The following ZNF138 variants were observed in gnomAD, a reference collection of about 807,000 sequenced individuals.
ZNF138 encodes the protein zinc finger protein 138 (clone pHZ-32).
ZNF138 carries 33 observed loss-of-function variants against 33.0 expected under a neutral mutation model. That is an observed-to-expected ratio of 1.00 (90% CI 0.76 to 1.34). The LOEUF (loss-of-function observed/expected upper bound fraction) is 1.34. Ranked by LOEUF, ZNF138 falls within the 40% of genes most tolerant of loss-of-function variation. The pLI, the probability that ZNF138 is intolerant of heterozygous loss-of-function variation, is 0.00. For synonymous variants in ZNF138, 139 were observed against 120.4 expected (o/e 1.15, Z -1.01); for missense variants, 360 against 370.8 (o/e 0.97, Z 0.24).
At chr7:64,836,925 G>T (rs1790382819), downstream of ZNF138, 1 of 152,202 alleles carries the variant, frequency 6.6e-6, no homozygotes, top group South Asian at 2.1e-4. Flanking sequence ...CCAGTGAGAG[G>T]GAGTCTGAGA....
At chr7:64,808,683 C>T (rs1787815846) in intron 1 of ZNF138, among the ~76,000 whole-genome samples, 1 of 148,732 alleles carries the variant, frequency 6.7e-6, no homozygotes, top group South Asian at 2.2e-4. Flanking sequence ...GAGGGAAGGT[C>T]AGCAGATAAA....
At chr7:64,820,560 A>G (rs1485482922) in intron 3 of ZNF138, among the ~76,000 whole-genome samples, 1 of 151,528 alleles carries the variant, frequency 6.6e-6, no homozygotes, top group East Asian at 1.9e-4. Context: ...GGATTGCTGT[A>G]GTTGATGATA....
chr7:64,831,390 G>C, intron 3 of ZNF138, 61 bp from the exon 4 acceptor site: 3 of 1,389,878 alleles, frequency 2.2e-6, no homozygotes, highest in South Asian at 3.0e-5. Context: ...GGTTAGATTT[G>C]TAAAGTATAT....
the ZNF138 span, among the ~76,000 whole-genome samples, chr7:64,850,912 G>A: frequency 2.9e-3 from 438 of 152,216 alleles, no homozygotes; most frequent in African/African-American, 0.01. Context: ...TAGTCAGTCT[G>A]GGGGTATAAT....
At chr7:64,801,117 A>G (rs895340258) in intron 1 of ZNF138, among the ~76,000 whole-genome samples, 1 of 152,174 alleles carries the variant, frequency 6.6e-6, no homozygotes, top group South Asian at 2.1e-4. Context: ...TAATAGATTT[A>G]ACTCCTGGAT....
At chr7:64,802,079 A>C (rs1787179271) in intron 1 of ZNF138, among the ~76,000 whole-genome samples, 1 of 152,190 alleles carries the variant, frequency 6.6e-6, no homozygotes, top group African/African-American at 2.4e-5. Flanking sequence ...TATTTTAGGG[A>C]GACATGAGAC....
the ZNF138 span, among the ~76,000 whole-genome samples, chr7:64,841,382 A>G: frequency 2.6e-5 from 4 of 152,204 alleles, no homozygotes; most frequent in Non-Finnish European, 5.9e-5. Context: ...GGGATGCTTC[A>G]TAAGTCATGA....
the ZNF138 span, among the ~76,000 whole-genome samples, chr7:64,846,640 C>A: frequency 6.6e-6 from 1 of 152,198 alleles, no homozygotes; most frequent in East Asian, 1.9e-4. Flanking sequence ...CTGAATTTAT[C>A]AGTTTTAGGA....
At chr7:64,804,348 G>A (rs900505201) in intron 1 of ZNF138, among the ~76,000 whole-genome samples, 5 of 152,102 alleles carry the variant, frequency 3.3e-5, no homozygotes, top group African/African-American at 9.7e-5. Flanking sequence ...CCCCCTGCTT[G>A]CTCAATTGAT....
chr7:64,800,811 C>T, intron 1 of ZNF138, among the ~76,000 whole-genome samples: 1 of 151,906 alleles, frequency 6.6e-6, no homozygotes, highest in Non-Finnish European at 1.5e-5. Flanking sequence ...TGTCTCTGGT[C>T]CTGGGCTTTT....
chr7:64,825,485 C>G (rs1230228974), intron 3 of ZNF138, among the ~76,000 whole-genome samples: 2 of 149,362 alleles, frequency 1.3e-5, no homozygotes, highest in East Asian at 4.0e-4. Context: ...ATGCTTTTTT[C>G]TTAAGCCACT....
the ZNF138 span, among the ~76,000 whole-genome samples, chr7:64,843,626 T>C: frequency 6.6e-6 from 1 of 152,306 alleles, no homozygotes; most frequent in Non-Finnish European, 1.5e-5. Flanking sequence ...TAGTCTTTTG[T>C]CATATAGTCA....
At chr7:64,838,112 C>T (rs558642924), downstream of ZNF138, among the ~76,000 whole-genome samples, 289 of 151,812 alleles carry the variant, frequency 1.9e-3, no homozygotes, top group Non-Finnish European at 3.3e-3. Flanking sequence ...CTACCTGAAG[C>T]ATTACCCTGG....
intron 1 of ZNF138, among the ~76,000 whole-genome samples, chr7:64,797,154 G>T (rs1418145738): frequency 1.3e-5 from 2 of 151,992 alleles, no homozygotes; most frequent in Non-Finnish European, 2.9e-5. Context: ...CCTTTTTCAG[G>T]GTACATTTCA....
the ZNF138 span, among the ~76,000 whole-genome samples, chr7:64,859,020 T>C: frequency 6.6e-6 from 1 of 152,152 alleles, no homozygotes; most frequent in African/African-American, 2.4e-5. Flanking sequence ...CTCCACCTCC[T>C]GGGTTCAAAT....
chr7:64,837,383 G>C (rs924782090), downstream of ZNF138, among the ~76,000 whole-genome samples: 1 of 152,068 alleles, frequency 6.6e-6, no homozygotes, highest in Non-Finnish European at 1.5e-5. Context: ...TGAGCGGTCC[G>C]GGCTTTGGAA....
chr7:64,852,236 G>T, the ZNF138 span, among the ~76,000 whole-genome samples: 1 of 152,176 alleles, frequency 6.6e-6, no homozygotes. Context: ...AAAAGGCATG[G>T]ATTTTATTTT....
intron 1 of ZNF138, among the ~76,000 whole-genome samples, chr7:64,798,184 G>A (rs1786847911): frequency 1.3e-5 from 2 of 152,142 alleles, no homozygotes; most frequent in African/African-American, 4.8e-5. Flanking sequence ...CAGGTGATCT[G>A]CTCTTCTCAG....
At chr7:64,806,327 CA>C (rs1248851304) in intron 1 of ZNF138, among the ~76,000 whole-genome samples, 2 of 152,170 alleles carry the variant, frequency 1.3e-5, no homozygotes, top group Non-Finnish European at 2.9e-5. Context: ...CTTCATAGGA[CA>C]GCAATCAACC....
Sources: allele counts gnomAD v4.1 joint callset (sites outside exome capture counted in the v4.1 genomes callset), GRCh38; gene constraint gnomAD v4.1.1; transcripts MANE v1.5; gene names NCBI Gene and HGNC (gene_info 2026-07-23, HGNC 2026-07-21).